Variants in PCDHGA1 observed in about 807,000 individuals in gnomAD.
PCDHGA1 encodes the protein protocadherin gamma subfamily A, 1, also known as protocadherin gamma-A1.
In PCDHGA1, 32 loss-of-function variants were observed where a neutral mutation model predicts 58.0. The ratio of observed to expected loss-of-function variants is 0.55; its 90% CI spans 0.42 to 0.74. PCDHGA1 has a LOEUF of 0.74. Ranked by LOEUF, PCDHGA1 falls within the 30% of genes least tolerant of loss-of-function variation. The pLI is 0.00. For missense variants in PCDHGA1, 1,205 were observed against 1,182.3 expected (o/e 1.02, Z -0.28); for synonymous variants, 498 against 501.1 (o/e 0.99, Z 0.08).
At chr5:141,371,511 G>T (rs747916078) in intron 1 of PCDHGA1, 7 of 1,613,850 alleles carry the variant, frequency 4.3e-6, no homozygotes, top group East Asian at 2.2e-5. Context: ...CAAAACACAT[G>T]ATCTAGATTC....
At chr5:141,414,533 C>A in intron 1 of PCDHGA1, 1 of 1,613,960 alleles carries the variant, frequency 6.2e-7, no homozygotes, top group Non-Finnish European at 8.5e-7. Context: ...AATGACAACC[C>A]ACCTACCTTC....
intron 1 of PCDHGA1, among the ~76,000 whole-genome samples, chr5:141,434,692 A>G (rs891952554): frequency 8.5e-5 from 13 of 152,082 alleles, no homozygotes; most frequent in African/African-American, 2.4e-4. Flanking sequence ...CTTGCTGTTA[A>G]TAAATATGTG....
chr5:141,423,435 G>A (rs2096740494), intron 1 of PCDHGA1: 1 of 1,613,892 alleles, frequency 6.2e-7, no homozygotes, highest in Admixed American at 1.7e-5. Context: ...TGGCAGGTAT[G>A]CCCACGTCAC....
Position 141,344,584 on chromosome 5 carries a change from G to C in PCDHGA1, c.2421+11479G>C, listed in dbSNP as rs781452806. ...GACTACTTCTCTCTGGCTGTGAATA[G>C]CGTCTCTGAGGGGGCCAAGTATCCA... On this transcript the variant is annotated intron_variant, in intron 1 of 3. Transcript: ENST00000517417. 129 of 1,613,888 alleles carry C rather than the reference G, an allele frequency of 8.0e-5. No individual in the cohort carries two copies. The highest frequency in any genetic ancestry group is 1.0e-4 in the Non-Finnish European group (118 of 1,179,898).
chr5:141,373,994 G>C lies in PCDHGA1; in HGVS notation c.2421+40889G>C, dbSNP rs1355942933. 8.0e-6 allele frequency: 10 copies of C among 1,243,924 alleles called. 1 individual carries two copies. Among genetic ancestry groups the C allele is most frequent in the African/African-American group, 3.0e-5 (2 of 65,694 alleles). The allele number at this position is 1,243,924 out of a possible 1,614,324, so 77.1% of individuals were successfully genotyped here. A position where few individuals can be genotyped will look rare whatever the true frequency, so the allele number is the denominator to read the frequency against. On this transcript the variant is annotated intron_variant, in intron 1 of 3. Transcript: ENST00000517417. ...CGCATCCGGTCTCTGCTTGTTGAAG[G>C]ACCTTCACCGCTATTTCTGAGAAGA...
rs375469126 is a variant in PCDHGA1 at position 141,405,300 on chromosome 5, A to G, written c.2421+72195A>G. 207 of 1,614,206 alleles carry G rather than the reference A, an allele frequency of 1.3e-4. No homozygotes were observed. Among genetic ancestry groups the G allele is most frequent in the Non-Finnish European group, 1.6e-4 (193 of 1,180,010 alleles). On this transcript the variant is annotated intron_variant, in intron 1 of 3. Transcript: ENST00000517417. Reference sequence around the variant, plus strand: ...TATGCAGACACACTCATCAGCCAGCAGAGCTGTGAGAAAAATGAGCCTTTG... The same window carrying G: ...TATGCAGACACACTCATCAGCCAGCGGAGCTGTGAGAAAAATGAGCCTTTG...
intron 1 of PCDHGA1, among the ~76,000 whole-genome samples, chr5:141,463,393 C>CA (rs955461719): frequency 5.7e-5 from 8 of 140,804 alleles, no homozygotes; most frequent in Non-Finnish European, 7.6e-5. Flanking sequence ...TGTCTCCAGG[C>CA]AAAAAAAATG....
At chr5:141,409,719 CAGTG>C (rs2095305881) in intron 1 of PCDHGA1, 2 of 1,613,090 alleles carry the variant, frequency 1.2e-6, no homozygotes, top group South Asian at 2.2e-5. Flanking sequence ...TCATACGTGT[CAGTG>C]AGCGCGCAGA....
intron 1 of PCDHGA1, chr5:141,376,579 T>C: frequency 6.3e-7 from 1 of 1,590,894 alleles, no homozygotes; most frequent in Non-Finnish European, 8.6e-7. Context: ...GACAGGCTCA[T>C]CAGCTAGATC....
rs778294045 is a variant in PCDHGA1 at position 141,399,841 on chromosome 5, G to A, written c.2421+66736G>A. 2 of 1,612,968 alleles carry A rather than the reference G, an allele frequency of 1.2e-6. No homozygotes were observed. Among genetic ancestry groups the A allele is most frequent in the African/African-American group, 1.3e-5 (1 of 74,926 alleles). ...GGGTCCCGACGGCTCTGCGCTCTTC[G>A]ATATGGTGCCGCGCGCTGCAGAGCC... On this transcript the variant is annotated intron_variant, in intron 1 of 3. Transcript: ENST00000517417.
At chr5:141,448,331 A>T (rs2098582637) in intron 1 of PCDHGA1, among the ~76,000 whole-genome samples, 1 of 152,146 alleles carries the variant, frequency 6.6e-6, no homozygotes, top group Non-Finnish European at 1.5e-5. Flanking sequence ...GAATCTTTAT[A>T]GCCATGTACC....
intron 1 of PCDHGA1, chr5:141,375,574 G>A: frequency 6.2e-7 from 1 of 1,614,058 alleles, no homozygotes; most frequent in African/African-American, 1.3e-5. Context: ...ACACCCTCCA[G>A]GGGGCGCCCC....
At chr5:141,494,889 A>G (rs2099757275) in intron 2 of PCDHGA1, 24 bp downstream of exon 2, 1 of 1,613,844 alleles carries the variant, frequency 6.2e-7, no homozygotes, top group Admixed American at 1.7e-5. Context: ...TCTCCAGCCC[A>G]CCCTCTTCTC....
At chr5:141,355,075 T>G in intron 1 of PCDHGA1, 2 of 1,395,680 alleles carry the variant, frequency 1.4e-6, no homozygotes, top group Non-Finnish European at 1.9e-6. Flanking sequence ...TTATGAAAGC[T>G]TCAAGCGGAA....
At chr5:141,494,215 G>T (rs984086536) in intron 1 of PCDHGA1, among the ~76,000 whole-genome samples, 2 of 152,200 alleles carry the variant, frequency 1.3e-5, no homozygotes, top group Non-Finnish European at 2.9e-5. Context: ...GCCCAATCTG[G>T]CATGACTCCT....
chr5:141,383,766 A>G (rs1265444749), intron 1 of PCDHGA1: 6 of 1,613,894 alleles, frequency 3.7e-6, no homozygotes, highest in Non-Finnish European at 5.1e-6. Context: ...CTAAACTTCC[A>G]AAGATGTTTC....
At chr5:141,333,573 C>G (rs1271673149) in intron 1 of PCDHGA1, 1 of 189,320 alleles carries the variant, frequency 5.3e-6, no homozygotes, top group African/African-American at 2.4e-5. Context: ...TATTTGGGGA[C>G]ATTTGAAGAG....
rs749590670 is a variant in PCDHGA1, at chr5:141,415,328, A to T, written c.2422-79479A>T. 7.9e-5 allele frequency: 127 copies of T among 1,614,184 alleles called. No individual in the cohort carries two copies. The Admixed American group carries it at 1.9e-3, about 24-fold the overall frequency. ...GCCTTCGTCATCGTGCTGCTGGCGC[A>T]CAGGCTGCGGCGCTGGCACAAGTCA... On this transcript the variant is annotated intron_variant, in intron 1 of 3. Transcript: ENST00000517417.
At chr5:141,420,230 A>G (rs758649822) in intron 1 of PCDHGA1, 3 of 1,601,528 alleles carry the variant, frequency 1.9e-6, no homozygotes, top group Admixed American at 1.7e-5. Flanking sequence ...ACTGGCTAGC[A>G]TTTTAACTCC....
Sources: gnomAD v4.1 joint callset for allele counts (sites outside exome capture counted in the v4.1 genomes callset) on GRCh38, gnomAD v4.1.1 for gene constraint, MANE v1.5 for transcripts, NCBI Gene and HGNC (gene_info 2026-07-23, HGNC 2026-07-21) for gene names.